The following ZSCAN4 variants were observed in gnomAD, a reference collection of about 807,000 sequenced individuals.
ZSCAN4 encodes zinc finger and SCAN domain-containing protein 4.
ZSCAN4 carries 18 observed loss-of-function variants against 18.3 expected under a neutral mutation model. That is an observed-to-expected ratio of 0.98 (90% CI 0.68 to 1.46). ZSCAN4 has a LOEUF of 1.46. ZSCAN4 is among the 40% of genes most tolerant of loss of function. The pLI, the probability that ZSCAN4 is intolerant of heterozygous loss-of-function variation, is 0.00. For missense variants in ZSCAN4, 498 were observed against 511.4 expected (o/e 0.97, Z 0.25); for synonymous variants, 193 against 180.3 (o/e 1.07, Z -0.57).
rs893888666 is a variant in ZSCAN4, at chr19:57,675,047, C to T, written c.-105-994C>T. Among the ~76,000 whole-genome samples, 8 of 150,718 alleles carry T rather than the reference C, an allele frequency of 5.3e-5. No homozygotes were observed. The South Asian group carries it at 8.4e-4, about 16-fold the overall frequency. ...CTGGCTCATTGCCACGCCCACTTCC[C>T]GGGTTCAAGGGATTCTCCTGCCTCC... On this transcript the variant is annotated intron_variant, in intron 2 of 4. Coordinates refer to ENST00000318203, the Ensembl canonical transcript of ZSCAN4.
At chr19:57,666,518 A>G (rs1179378957), upstream of ZSCAN4, among the ~76,000 whole-genome samples, 1 of 151,954 alleles carries the variant, frequency 6.6e-6, no homozygotes, top group African/African-American at 2.4e-5. Context: ...TTATTAAAGT[A>G]GGTGCAACAA....
intron 2 of ZSCAN4, 32 bp from the exon 3 acceptor site, chr19:57,676,009 C>A: frequency 2.4e-6 from 2 of 832,232 alleles, no homozygotes; most frequent in Non-Finnish European, 3.6e-6. Flanking sequence ...GCCAGTGGTG[C>A]AATTAATTAC....
At chr19:57,668,813 A>G (rs2360535), upstream of ZSCAN4, 78,289 of 151,926 alleles carry the variant, frequency 0.52, 20,547 homozygotes, top group Middle Eastern at 0.59. Flanking sequence ...ATATAATCCT[A>G]GTCTCAACCC....
chr19:57,672,938 GCATA>G (rs1984065361), intron 2 of ZSCAN4, among the ~76,000 whole-genome samples: 1 of 151,980 alleles, frequency 6.6e-6, no homozygotes, highest in Admixed American at 6.6e-5. Flanking sequence ...CAAATTTCAA[GCATA>G]CAATATATAT....
At chr19:57,662,147 A>C in the ZSCAN4 span, among the ~76,000 whole-genome samples, 3 of 152,000 alleles carry the variant, frequency 2.0e-5, no homozygotes, top group African/African-American at 7.2e-5. Context: ...GTTTAATTAT[A>C]GTTTATGATA....
chr19:57,677,676 C>T (rs1984227938), intron 3 of ZSCAN4, among the ~76,000 whole-genome samples: 1 of 152,166 alleles, frequency 6.6e-6, no homozygotes, highest in African/African-American at 2.4e-5. Flanking sequence ...TCACAGGAAA[C>T]TAACCCTGAA....
At chr19:57,676,772 A>T (rs1396191361) in intron 3 of ZSCAN4, among the ~76,000 whole-genome samples, 1 of 152,212 alleles carries the variant, frequency 6.6e-6, no homozygotes, top group African/African-American at 2.4e-5. Flanking sequence ...GGAGCCAAAC[A>T]TATTGATGTT....
upstream of ZSCAN4, among the ~76,000 whole-genome samples, chr19:57,666,253 G>A (rs1216577064): frequency 6.6e-6 from 1 of 152,194 alleles, no homozygotes; most frequent in Non-Finnish European, 1.5e-5. Flanking sequence ...TTTCCACGGG[G>A]TGATCCACGC....
At chr19:57,661,369 T>A in the ZSCAN4 span, among the ~76,000 whole-genome samples, 2 of 152,166 alleles carry the variant, frequency 1.3e-5, no homozygotes, top group African/African-American at 2.4e-5. Flanking sequence ...CTTGACTTAC[T>A]GCTGAGTAAA....
chr19:57,663,520 T>TAAAAAAAA, the ZSCAN4 span, among the ~76,000 whole-genome samples: 84 of 66,566 alleles, frequency 1.3e-3, 3 homozygotes, highest in African/African-American at 2.3e-3. Context: ...ACCATGTCTC[T>TAAAAAAAA]AAAAAAAAAA....
chr19:57,654,481 C>G, the ZSCAN4 span, among the ~76,000 whole-genome samples: 1 of 152,140 alleles, frequency 6.6e-6, no homozygotes. Flanking sequence ...CAGCCCAGTA[C>G]CTCCTTAGCC....
intron 2 of ZSCAN4, among the ~76,000 whole-genome samples, chr19:57,675,808 TA>T (rs1274933706): frequency 6.6e-6 from 1 of 152,234 alleles, no homozygotes; most frequent in East Asian, 1.9e-4. Context: ...TATTTTCAAA[TA>T]TTTTGTTTTG....
In ZSCAN4 at chr19:57,673,309, G is replaced by A. The variant is rs146171375; in HGVS notation, c.-105-2732G>A. On this transcript the variant is annotated intron_variant, in intron 2 of 4. Coordinates refer to ENST00000318203, the Ensembl canonical transcript of ZSCAN4. ...CCCAAAGTGCTGGGATTACAGGCGCGAGTCACCGTGCCCGGCCACATATTT... is the reference window on the plus strand; with the variant it reads ...CCCAAAGTGCTGGGATTACAGGCGCAAGTCACCGTGCCCGGCCACATATTT... 5.2e-3 allele frequency among the ~76,000 whole-genome samples: 795 copies of A among 152,154 alleles called. 6 individuals are homozygous for A. The highest frequency in any genetic ancestry group is 0.01 in the Middle Eastern group (3 of 294).
the ZSCAN4 span, among the ~76,000 whole-genome samples, chr19:57,656,236 A>G: frequency 1.3e-5 from 2 of 152,180 alleles, no homozygotes; most frequent in Non-Finnish European, 2.9e-5. Context: ...ATTATGGCAG[A>G]CTCAGCAGCC....
chr19:57,651,813 A>G, the ZSCAN4 span, among the ~76,000 whole-genome samples: 2 of 152,014 alleles, frequency 1.3e-5, no homozygotes, highest in African/African-American at 4.8e-5. Flanking sequence ...TCCTTCTTCC[A>G]CTAGGAGGCT....
At chr19:57,662,496 GCTTA>G in the ZSCAN4 span, among the ~76,000 whole-genome samples, 1 of 151,586 alleles carries the variant, frequency 6.6e-6, no homozygotes, top group Non-Finnish European at 1.5e-5. Flanking sequence ...CATATTAATG[GCTTA>G]CTTATCCAAG....
intron 3 of ZSCAN4, 106 bp downstream of exon 3, chr19:57,676,647 G>A: frequency 7.9e-7 from 1 of 1,269,772 alleles, no homozygotes; most frequent in Non-Finnish European, 1.1e-6. Flanking sequence ...TGGAGGTCCA[G>A]TTATTAGTCA....
rs201493992 is a variant in ZSCAN4 at position 57,676,330 on chromosome 19, T to A, written c.185T>A (p.Leu62Ter). Residue 62 changes from leucine (L) to a stop codon, truncating the protein, a stop_gained, in exon 3 of 5, where the codon TTG becomes TAG. Coordinates refer to ENST00000318203, the Ensembl canonical transcript of ZSCAN4. LOFTEE classifies it high-confidence loss of function. ...AATAATTCATATGCAAGGCAGGAAT[T>A]GCAAAGACTTTATAGGATCTTTCAC... 2.5e-6 allele frequency: 4 copies of A among 1,614,224 alleles called. No individual in the cohort carries two copies. The highest frequency in any genetic ancestry group is 1.7e-6 in the Non-Finnish European group (2 of 1,180,038).
At position 57,678,177 on chromosome 19, in the gene ZSCAN4, G is replaced by A. The variant is rs151047524; in HGVS notation, c.574G>A (p.Glu192Lys). 316 of 1,613,340 alleles carry A rather than the reference G, an allele frequency of 2.0e-4. 1 individual carries two copies. The highest frequency in any genetic ancestry group is 2.5e-4 in the Non-Finnish European group (297 of 1,179,682). Residue 192 changes from glutamate to lysine, a missense_variant, in exon 5 of 5, where the codon GAA (glutamate) becomes AAA (lysine). Transcript: ENST00000318203. ...GTCTATTTTCACAGGATATGAAGAT[G>A]AACAAGATGGCTGGAACAGTTCTTC...
Sources: gnomAD v4.1 joint callset for allele counts (sites outside exome capture counted in the v4.1 genomes callset) on GRCh38, gnomAD v4.1.1 for gene constraint, MANE v1.5 for transcripts, NCBI Gene and HGNC (gene_info 2026-07-23, HGNC 2026-07-21) for gene names.